Variants in NBPF11 observed in about 807,000 individuals in gnomAD.
NBPF11 encodes the protein NBPF member 11.
In NBPF11, 72 loss-of-function variants were observed where a neutral mutation model predicts 93.9. The ratio of observed to expected loss-of-function variants is 0.77; its 90% confidence interval spans 0.63 to 0.93. The LOEUF (loss-of-function observed/expected upper bound fraction) is 0.93, where lower values mean the gene tolerates loss of function less well. Ranked by LOEUF, NBPF11 falls within the 40% of genes least tolerant of loss-of-function variation. The pLI is 0.00. For synonymous variants in NBPF11, 224 were observed against 304.9 expected (o/e 0.73, Z 2.76); for missense variants, 705 against 802.2 (o/e 0.88, Z 1.46).
Position 148,126,796 on chromosome 1 carries a change from T to C in NBPF11, c.175+33A>G, listed in dbSNP as rs1156732485. ...GAGAGCATTTAGTGTCTCACATTCATCACTTTCATGATGGTGAGCCTATAG... is the reference window on the plus strand; with the variant it reads ...GAGAGCATTTAGTGTCTCACATTCACCACTTTCATGATGGTGAGCCTATAG... On this transcript the variant is annotated intron_variant, in intron 5 of 23. Transcript: ENST00000682118. The C allele has an allele frequency of 6.9e-6, 11 of 1,601,310 alleles. No individual in the cohort carries two copies. In the African/African-American group the frequency reaches 1.3e-4, roughly 20 times the overall value.
At chr1:148,123,778 A>C (rs1367435065) in intron 7 of NBPF11, 75 bp downstream of exon 7, 1 of 1,605,708 alleles carries the variant, frequency 6.2e-7, no homozygotes, top group African/African-American at 1.3e-5. Flanking sequence ...TACAACTGTC[A>C]TTGTGAAAGT....
intron 2 of NBPF11, among the ~76,000 whole-genome samples, chr1:148,142,704 C>T (rs1405179568): frequency 6.6e-6 from 1 of 151,972 alleles, no homozygotes; most frequent in Non-Finnish European, 1.5e-5. Context: ...GAGATTTACT[C>T]ATTATGGGGC....
intron 17 of NBPF11, among the ~76,000 whole-genome samples, chr1:148,108,972 C>T (rs1199178050): frequency 2.6e-5 from 4 of 151,264 alleles, no homozygotes; most frequent in African/African-American, 9.8e-5. Context: ...TCAGGACACA[C>T]AGTGAACAGT....
intron 1 of NBPF11, chr1:148,146,605 A>G: frequency 6.2e-7 from 1 of 1,610,218 alleles, no homozygotes; most frequent in Middle Eastern, 2.3e-4. Flanking sequence ...GCTGCACCTG[A>G]CGGAGCGTGC....
chr1:148,108,508 C>T lies in NBPF11; in HGVS notation c.2000G>A (p.Arg667His), dbSNP rs202171001. 6.3e-5 allele frequency: 101 copies of T among 1,591,802 alleles called. No individual in the cohort carries two copies. The highest frequency in any genetic ancestry group is 2.3e-4 in the Middle Eastern group (1 of 4,404). The change falls in exon 18 of 24, where the codon CGT (arginine) becomes CAT (histidine). Residue 667 changes from arginine to histidine, a missense_variant. Around this residue, in one of 12 missense-constraint regions of NBPF11, gnomAD observed 97 missense variants for 65.0 expected, o/e 1.49. Transcript: ENST00000682118. Reference sequence around the variant, plus strand: ...ATCCATGTCAACAGCCAAGCCAATACGCTGTTGCTCCAATACGTAAAAGGC... The same window carrying T: ...ATCCATGTCAACAGCCAAGCCAATATGCTGTTGCTCCAATACGTAAAAGGC... ...RSAFYVLEQQ[R>H]IGLAVDMDEI...
intron 1 of NBPF11, chr1:148,149,553 G>T: frequency 6.3e-7 from 1 of 1,594,252 alleles, no homozygotes; most frequent in Non-Finnish European, 8.5e-7. Context: ...GAGCTGCCCA[G>T]CCAGCGCGCC....
chr1:148,145,855 G>A (rs1672911120), intron 1 of NBPF11, among the ~76,000 whole-genome samples: 2 of 151,448 alleles, frequency 1.3e-5, no homozygotes, highest in South Asian at 2.1e-4. Context: ...ACTCCAGCCT[G>A]GGCAACAGAG....
At position 148,106,210 on chromosome 1, in the gene NBPF11, C is replaced by G. The variant is rs1663572637; in HGVS notation, c.2274G>C (p.Glu758Asp). The change falls in exon 21 of 24, where the codon GAG becomes GAC. Residue 758 changes from glutamate (E) to aspartate (D), a missense_variant. By Grantham distance (45) the Glu-to-Asp change is conservative. This residue lies in a region of NBPF11 where 109 missense variants were observed against 83.3 expected (regional missense o/e 1.31). Transcript: ENST00000682118. ...DVDRIKKDQE[E>D]EEDQGPPCPR... ...GGCACGGTGGGCCTTGGTCTTCTTC[C>G]TCTTCTTGGTCCTTTTTAATTCCTG... 3 of 901,924 alleles carry G rather than the reference C, an allele frequency of 3.3e-6. No homozygotes were observed. The highest frequency in any genetic ancestry group is 1.7e-5 in the Admixed American group (1 of 58,924). The allele number at this position is 901,924 out of a possible 1,614,324, so 55.9% of individuals were successfully genotyped here.
intron 23 of NBPF11, 112 bp from the exon 24 acceptor site, chr1:148,104,024 T>C: frequency 6.2e-7 from 1 of 1,601,806 alleles, no homozygotes; most frequent in South Asian, 1.1e-5. Flanking sequence ...AAAGGACAGA[T>C]CCATTAATGA....
intron 6 of NBPF11, among the ~76,000 whole-genome samples, chr1:148,124,387 T>A (rs1180827269): frequency 6.7e-6 from 1 of 150,350 alleles, no homozygotes; most frequent in South Asian, 2.2e-4. Flanking sequence ...GACATTTCCA[T>A]GTGAAAATAC....
chr1:148,119,380 CA>C (rs1667296455), intron 10 of NBPF11, among the ~76,000 whole-genome samples: 2 of 151,982 alleles, frequency 1.3e-5, no homozygotes, highest in African/African-American at 4.8e-5. Flanking sequence ...AGGAGATTGA[CA>C]AGAAATAGCT....
chr1:148,134,726 T>G (rs1470268626), intron 4 of NBPF11, among the ~76,000 whole-genome samples: 2 of 151,894 alleles, frequency 1.3e-5, no homozygotes, highest in Non-Finnish European at 2.9e-5. Context: ...AAGTGCTACA[T>G]GGCATTGGGG....
Position 148,122,177 on chromosome 1 carries a change from T to C in NBPF11, c.656A>G (p.Asp219Gly). The C allele has an allele frequency of 1.2e-6, 2 of 1,612,788 alleles. No homozygotes were observed. Among genetic ancestry groups the C allele is most frequent in the East Asian group, 2.2e-5 (1 of 44,858 alleles). ...GATGTTCTTGTGAGGCTGGATGGAG[T>C]CACAAGGGCCGTGGCTATTTGAACA... ...ITCSNSHGPC[D>G]SIQPHKNIKI... is the part of the protein sequence containing the mutation. Residue 219 changes from aspartate (D) to glycine (G), a missense_variant, in exon 9 of 24, where the codon GAC becomes GGC. By Grantham distance (94) the Asp-to-Gly change is moderately conservative (BLOSUM62 -1). This residue lies in a region of NBPF11 where 262 missense variants were observed against 223.1 expected (regional missense o/e 1.17). Coordinates refer to ENST00000682118, the MANE Select transcript of NBPF11 (RefSeq NM_001385469.3).
rs1553272438 is a variant in NBPF11, at chr1:148,124,587, A to C, written c.278+312T>G. 2.7e-5 allele frequency among the ~76,000 whole-genome samples: 4 copies of C among 145,482 alleles called. No homozygotes were observed. The East Asian group carries it at 8.1e-4, about 30-fold the overall frequency. The stretch of plus-strand genomic sequence containing the variant: ...TCTCACTAAGGGTAAGTGGGGTGGC[A>C]ATAGCACACCATTTTGATTATACTG... On this transcript the variant is annotated intron_variant, in intron 6 of 23. Coordinates refer to ENST00000682118, the MANE Select transcript of NBPF11 (RefSeq NM_001385469.3).
Position 148,115,985 on chromosome 1 carries a change from C to T in NBPF11, c.1393G>A (p.Ala465Thr). 6.4e-6 allele frequency: 10 copies of T among 1,559,892 alleles called. No individual in the cohort carries two copies. Among genetic ancestry groups the T allele is most frequent in the Non-Finnish European group, 8.8e-6 (10 of 1,140,902 alleles). Residue 465 changes from alanine to threonine, a missense_variant, in exon 14 of 24, where the codon GCT (alanine) becomes ACT (threonine). This residue lies in a region of NBPF11 where 54 missense variants were observed against 91.8 expected (regional missense o/e 0.59). Coordinates refer to ENST00000682118, the MANE Select transcript of NBPF11 (RefSeq NM_001385469.3). ...KSSSPREMQK[A>T]EEKEVPEDSL... is the part of the protein sequence containing the mutation. ...TCCTCAGGGACTTCCTTTTCTTCAG[C>T]CTTCTGCATCTCCCTGATGAGCCAG...
At chr1:148,139,270 A>G (rs1260489428) in intron 2 of NBPF11, among the ~76,000 whole-genome samples, 1 of 148,568 alleles carries the variant, frequency 6.7e-6, no homozygotes, top group Non-Finnish European at 1.5e-5. Flanking sequence ...ATTCAAGGAG[A>G]GCCATAAACA....
At chr1:148,132,144 GTA>G (rs1302793020) in intron 4 of NBPF11, among the ~76,000 whole-genome samples, 28,007 of 136,604 alleles carry the variant, frequency 0.21, 1,741 homozygotes, top group African/African-American at 0.28. Flanking sequence ...GTGTGTGTGT[GTA>G]TATATATATA....
intron 16 of NBPF11, 85 bp from the exon 17 acceptor site, chr1:148,109,420 G>A (rs1274675499): frequency 3.4e-6 from 3 of 893,760 alleles, no homozygotes; most frequent in East Asian, 2.4e-5. Context: ...TCCTAACACA[G>A]GGACATCAGT....
At chr1:148,150,285 G>T (rs1252860262) in intron 1 of NBPF11, among the ~76,000 whole-genome samples, 2 of 147,590 alleles carry the variant, frequency 1.4e-5, no homozygotes, top group Non-Finnish European at 3.0e-5. Context: ...TGTATTTTTA[G>T]TAGAGATGGC....
Sources: gnomAD v4.1 joint callset for allele counts (sites outside exome capture counted in the v4.1 genomes callset) on GRCh38, gnomAD v4.1.1 for gene constraint, gnomAD v4.1.1 regional missense constraint, MANE v1.5 for transcripts, NCBI Gene and HGNC (gene_info 2026-07-23, HGNC 2026-07-21) for gene names.